Variants in ABCA1 observed in about 807,000 individuals in gnomAD.
ABCA1 encodes ATP binding cassette subfamily A member 1.
ABCA1 carries 133 observed loss-of-function variants against 262.5 expected under a neutral mutation model. That is an observed-to-expected ratio of 0.51 (90% confidence interval 0.44 to 0.59). The LOEUF (loss-of-function observed/expected upper bound fraction) is 0.59, where lower values mean the gene tolerates loss of function less well. Ranked by LOEUF, ABCA1 falls within the 20% of genes least tolerant of loss-of-function variation. The pLI, the probability that ABCA1 is intolerant of heterozygous loss-of-function variation, is 0.00. For missense variants in ABCA1, 2,452 were observed against 2,777.5 expected (o/e 0.88, Z 2.63); for synonymous variants, 1,022 against 1,043.5 (o/e 0.98, Z 0.40).
At chr9:104,866,780 GC>G (rs1837134600) in intron 5 of ABCA1, among the ~76,000 whole-genome samples, 1 of 152,100 alleles carries the variant, frequency 6.6e-6, no homozygotes, top group South Asian at 2.1e-4. Context: ...GAGCCACCGC[GC>G]CCGGCGTTTT....
At chr9:104,835,057 G>A (rs922088870) in intron 11 of ABCA1, among the ~76,000 whole-genome samples, 3 of 151,984 alleles carry the variant, frequency 2.0e-5, no homozygotes, top group South Asian at 2.1e-4. Context: ...ATTCCAGCCC[G>A]ACCAACATGG....
At chr9:104,836,883 G>A (rs187321092) in intron 11 of ABCA1, 97 bp downstream of exon 11, 3 of 987,308 alleles carry the variant, frequency 3.0e-6, no homozygotes, top group Admixed American at 3.4e-5. Context: ...TAGATAAACT[G>A]AAAGAATTCT....
Position 104,905,891 on chromosome 9 carries a change from C to G in ABCA1, c.-92-2120G>C, listed in dbSNP as rs536496706. On this transcript the variant is annotated intron_variant, in intron 1 of 49. Coordinates refer to ENST00000374736, the MANE Select transcript of ABCA1 (RefSeq NM_005502.4). ...CAGAAAGAGCCCAGGCATGAATTAG[C>G]CCCGGCTTCCCAACTATGTGCCCCT... Among the ~76,000 whole-genome samples, 28 of 152,336 alleles carry G rather than the reference C, an allele frequency of 1.8e-4. No homozygotes were observed. In the South Asian group the frequency reaches 5.4e-3, roughly 29 times the overall value.
In ABCA1 at chr9:104,799,937, T is replaced by C; in HGVS notation, c.4825A>G (p.Ile1609Val). 6.2e-7 allele frequency: 1 copy of C among 1,614,156 alleles called. No individual in the cohort carries two copies. Among genetic ancestry groups the C allele is most frequent in the South Asian group, 1.1e-5 (1 of 91,086 alleles). The change falls in exon 36 of 50, where the codon ATC becomes GTC. Residue 1609 changes from isoleucine (I) to valine (V), a missense_variant. Ile to Val is a conservative substitution (Grantham distance 29). Transcript: ENST00000374736. ...TTGGCCCGGAGAATGGCATTGTTGA[T>C]GACATTCAGGAAAGAGCTGATTGCA... ...WHAISSFLNV[I>V]NNAILRANLQ...
At chr9:104,883,705 T>C (rs957402445) in intron 4 of ABCA1, among the ~76,000 whole-genome samples, 50 of 152,216 alleles carry the variant, frequency 3.3e-4, no homozygotes, top group African/African-American at 1.2e-3. Context: ...CTAGGGTCCA[T>C]GAACATGACA....
intron 7 of ABCA1, among the ~76,000 whole-genome samples, chr9:104,858,238 G>C (rs934913827): frequency 2.0e-5 from 3 of 151,742 alleles, no homozygotes; most frequent in Non-Finnish European, 4.4e-5. Context: ...TATTATAATA[G>C]TAAAAACATG....
chr9:104,782,992 C>T lies in ABCA1; in HGVS notation c.*1323G>A, dbSNP rs879168515. The stretch of plus-strand genomic sequence containing the variant: ...TAATATCTCTCTAGTCTTATACGTA[C>T]GTACATACTCTTTCAGCTACAGCAT... On this transcript the variant is annotated 3_prime_UTR_variant, in exon 50 of 50. Coordinates refer to ENST00000374736, the MANE Select transcript of ABCA1 (RefSeq NM_005502.4). 2.0e-5 allele frequency: 3 copies of T among 152,616 alleles called. No homozygotes were observed. The highest frequency in any genetic ancestry group is 4.1e-4 in the South Asian group (2 of 4,822). The allele number at this position is 152,616 out of a possible 1,614,324, so 9.5% of individuals were successfully genotyped here. A position where few individuals can be genotyped will look rare whatever the true frequency, so the allele number is the denominator to read the frequency against.
chr9:104,839,553 TGTTATTTCTTTTTATGTTATTATAAAG>T (rs1452821611), intron 9 of ABCA1, among the ~76,000 whole-genome samples: 2 of 152,256 alleles, frequency 1.3e-5, no homozygotes, highest in East Asian at 3.8e-4. Flanking sequence ...TTATCATTAC[TGTTATTTCTTTTTATGTTATTATAAAG>T]CTTATCTCAA....
chr9:104,786,794 A>C, intron 47 of ABCA1, 79 bp downstream of exon 47: 2 of 1,312,154 alleles, frequency 1.5e-6, no homozygotes, highest in Admixed American at 3.4e-5. Context: ...GTATTTTCTA[A>C]TTTTTACAAA....
At chr9:104,878,771 G>A (rs952646054) in intron 5 of ABCA1, among the ~76,000 whole-genome samples, 5 of 152,140 alleles carry the variant, frequency 3.3e-5, no homozygotes, top group Admixed American at 2.6e-4. Flanking sequence ...CCAATAAGTG[G>A]AAATAAAATG....
At chr9:104,875,674 A>T (rs917909256) in intron 5 of ABCA1, among the ~76,000 whole-genome samples, 16 of 152,104 alleles carry the variant, frequency 1.1e-4, no homozygotes, top group Non-Finnish European at 2.2e-4. Flanking sequence ...AAAAAAAGGT[A>T]TTTCAGAATC....
At chr9:104,824,676 A>C in intron 17 of ABCA1, 98 bp from the exon 18 acceptor site, 1 of 1,371,284 alleles carries the variant, frequency 7.3e-7, no homozygotes, top group Admixed American at 1.9e-5. Flanking sequence ...CATCCTTTGG[A>C]GAAGGAACAG....
chr9:104,820,010 T>G lies in ABCA1; in HGVS notation c.3020A>C (p.His1007Pro), dbSNP rs769498606. ...CATCTGCTCCATCTCCGCCTTCACG[T>G]GCTTCTCAGAGAGCCCTTTCAAGCG... ...YARLKGLSEKHVKAEMEQMAL... is the reference protein window; with the variant it reads ...YARLKGLSEKPVKAEMEQMAL... Residue 1007 changes from histidine to proline, a missense_variant, in exon 21 of 50, where the codon CAC becomes CCC. Around this residue, in one of 4 missense-constraint regions of ABCA1, gnomAD observed 665 missense variants for 727.3 expected, o/e 0.91. Coordinates refer to ENST00000374736, the MANE Select transcript of ABCA1 (RefSeq NM_005502.4). The G allele has an allele frequency of 6.2e-6, 10 of 1,614,032 alleles. No individual in the cohort carries two copies.
In ABCA1 at chr9:104,781,061, A is replaced by G. The variant is rs79840023; in HGVS notation, c.*3254T>C. The G allele has an allele frequency of 6.5e-5, 10 of 152,788 alleles. No homozygotes were observed. In the East Asian group the frequency reaches 7.7e-4, roughly 12 times the overall value. 9.5% of individuals were successfully genotyped at this position (152,788 alleles called of 1,614,324 possible). On this transcript the variant is annotated 3_prime_UTR_variant, in exon 50 of 50. Coordinates refer to ENST00000374736, the MANE Select transcript of ABCA1 (RefSeq NM_005502.4). The stretch of plus-strand genomic sequence containing the variant: ...TTTGTGACTCATTATATTACAACAT[A>G]GAAATATGCATTTTAATACTTCATA...
intron 7 of ABCA1, 100 bp downstream of exon 7, chr9:104,858,422 C>T: frequency 2.4e-6 from 3 of 1,270,480 alleles, no homozygotes; most frequent in Non-Finnish European, 3.4e-6. Flanking sequence ...TCCCAGCCAG[C>T]CGTACTTTTC....
At chr9:104,810,655 G>T in intron 29 of ABCA1, 145 bp downstream of exon 29, 1 of 1,251,474 alleles carries the variant, frequency 8.0e-7, no homozygotes, top group Non-Finnish European at 1.2e-6. Context: ...TTCTATGCAT[G>T]CAGTATTAGC....
At chr9:104,840,111 T>C (rs893926963) in intron 9 of ABCA1, among the ~76,000 whole-genome samples, 168 bp downstream of exon 9, 3 of 152,088 alleles carry the variant, frequency 2.0e-5, no homozygotes, top group Admixed American at 6.6e-5. Context: ...TGGGGACAGG[T>C]AGCTATTCAA....
rs1289971360 is a variant in ABCA1 at position 104,781,291 on chromosome 9, T to C, written c.*3024A>G. 6.6e-6 allele frequency: 1 copy of C among 152,470 alleles called. No homozygotes were observed. The highest frequency in any genetic ancestry group is 2.4e-5 in the African/African-American group (1 of 41,400). The allele number at this position is 152,470 out of a possible 1,614,324, so 9.4% of individuals were successfully genotyped here. On this transcript the variant is annotated 3_prime_UTR_variant, in exon 50 of 50. Coordinates refer to ENST00000374736, the MANE Select transcript of ABCA1 (RefSeq NM_005502.4). ...GCACAAAAACAGCTTCATCTTAGGG[T>C]ATAAGAAGGGATAATAGCATACCTA...
intron 49 of ABCA1, 37 bp from the exon 50 acceptor site, chr9:104,784,492 C>T (rs1047268541): frequency 5.6e-6 from 9 of 1,612,984 alleles, no homozygotes; most frequent in Non-Finnish European, 7.6e-6. Flanking sequence ...ATAAATACCA[C>T]TCAACTTGCT....
Sources: allele counts gnomAD v4.1 joint callset (sites outside exome capture counted in the v4.1 genomes callset), GRCh38; gene constraint gnomAD v4.1.1; regional missense constraint gnomAD v4.1.1; transcripts MANE v1.5; gene names NCBI Gene and HGNC (gene_info 2026-07-23, HGNC 2026-07-21).